The following XPNPEP1 variants were observed in gnomAD, a reference collection of about 807,000 sequenced individuals.
The protein encoded by XPNPEP1 is X-prolyl aminopeptidase 1.
Under a neutral mutation model 92.4 loss-of-function variants are expected in XPNPEP1, and 39 were observed. The observed-to-expected ratio is 0.42, with a 90% CI of 0.33 to 0.55. The LOEUF is 0.55. XPNPEP1 is among the 20% of genes least tolerant of loss of function. The probability of loss-of-function intolerance (pLI) is 0.08; values close to 1 mark genes in which losing one functional copy is unlikely to be tolerated. For synonymous variants in XPNPEP1, 307 were observed against 299.4 expected (o/e 1.03, Z -0.26); for missense variants, 654 against 856.1 (o/e 0.76, Z 2.95).
intron 3 of XPNPEP1, among the ~76,000 whole-genome samples, chr10:109,894,351 T>C (rs10399964): frequency 0.15 from 22,867 of 151,512 alleles, 2,145 homozygotes; most frequent in East Asian, 0.41. Flanking sequence ...GGGAGCATGG[T>C]GAAACCTCAT....
chr10:109,898,816 A>G (rs1849120737), intron 3 of XPNPEP1, among the ~76,000 whole-genome samples: 1 of 152,260 alleles, frequency 6.6e-6, no homozygotes, highest in Non-Finnish European at 1.5e-5. Context: ...CTGGGTTTTA[A>G]GAAGAGGGAT....
chr10:109,895,558 A>G (rs1249201739), intron 3 of XPNPEP1, among the ~76,000 whole-genome samples: 2 of 152,262 alleles, frequency 1.3e-5, no homozygotes, highest in Admixed American at 1.3e-4. Context: ...GGCTGGCCAC[A>G]GCCTCACCTC....
chr10:109,900,203 C>A (rs2133485590), intron 3 of XPNPEP1, among the ~76,000 whole-genome samples: 2 of 152,284 alleles, frequency 1.3e-5, no homozygotes, highest in Admixed American at 1.3e-4. Context: ...TTGGAAAGTA[C>A]ACAAAGGACA....
At chr10:109,920,784 G>T (rs942478421) in intron 1 of XPNPEP1, among the ~76,000 whole-genome samples, 1 of 151,976 alleles carries the variant, frequency 6.6e-6, no homozygotes, top group Non-Finnish European at 1.5e-5. Context: ...GGCCTCAAGT[G>T]ATCCTCCCAC....
chr10:109,920,026 G>A lies in XPNPEP1; in HGVS notation c.32+3376C>T, dbSNP rs146582945. 7.9e-3 allele frequency among the ~76,000 whole-genome samples: 1,198 copies of A among 150,794 alleles called. 15 individuals carry two copies. Among genetic ancestry groups the A allele is most frequent in the African/African-American group, 0.028 (1,144 of 40,994 alleles). ...CAGCCTGGCAACAGAGCAAGACTCC[G>A]TCTCATTTAAAAAAAAAAAAAGAAA... On this transcript the variant is annotated intron_variant, in intron 1 of 20. Transcript: ENST00000502935.
intron 1 of XPNPEP1, among the ~76,000 whole-genome samples, chr10:109,917,328 C>A (rs1850249053): frequency 6.6e-6 from 1 of 152,158 alleles, no homozygotes. Flanking sequence ...AATTTGACTT[C>A]TATATCCTTG....
In XPNPEP1 at chr10:109,871,028, A is replaced by C. The variant is rs1847438286; in HGVS notation, c.1523-124T>G. 29 of 1,124,908 alleles carry C rather than the reference A, an allele frequency of 2.6e-5. 1 individual carries two copies. Among genetic ancestry groups the C allele is most frequent in the Non-Finnish European group, 3.4e-5 (28 of 813,982 alleles). The allele number at this position is 1,124,908 out of a possible 1,614,324, so 69.7% of individuals were successfully genotyped here. ...TAAGTTACTGGAGGGTTCAGATTTCAGCACAGCACAAGGAAGAACTTTCTA... is the reference window on the plus strand; with the variant it reads ...TAAGTTACTGGAGGGTTCAGATTTCCGCACAGCACAAGGAAGAACTTTCTA... On this transcript the variant is annotated intron_variant, in intron 17 of 20. Coordinates refer to ENST00000502935, the MANE Select transcript of XPNPEP1 (RefSeq NM_020383.4).
chr10:109,877,627 G>A, intron 14 of XPNPEP1, 163 bp downstream of exon 14: 1 of 880,452 alleles, frequency 1.1e-6, no homozygotes, highest in East Asian at 2.6e-5. Context: ...TTGGGGATTG[G>A]GAGAAAATAA....
intron 14 of XPNPEP1, 79 bp from the exon 15 acceptor site, chr10:109,875,678 C>A: frequency 8.0e-7 from 1 of 1,253,692 alleles, no homozygotes; most frequent in South Asian, 1.3e-5. Context: ...CACAAGAGCT[C>A]TTTGTACTAT....
At chr10:109,923,021 G>A (rs1351370054) in intron 1 of XPNPEP1, among the ~76,000 whole-genome samples, 1 of 152,222 alleles carries the variant, frequency 6.6e-6, no homozygotes, top group Non-Finnish European at 1.5e-5. Flanking sequence ...ACAGAAGCGA[G>A]GGCAAAGGCT....
In XPNPEP1 at chr10:109,882,611, G is replaced by C. The variant is rs774157398; in HGVS notation, c.862C>G (p.Pro288Ala). The change falls in exon 10 of 21, where the codon CCC becomes GCC. Residue 288 changes from proline (P) to alanine (A), a missense_variant. Pro to Ala is a conservative substitution (Grantham distance 27). Transcript: ENST00000502935. ...AGAAGCAGGTGCTCCTTCACACTGG[G>C]GGCGTCTATGCGGTCACCATCAATG... The part of the protein sequence containing the change: ...LFIDGDRIDA[P>A]SVKEHLLLDL... 1 of 1,614,160 alleles carries C rather than the reference G, an allele frequency of 6.2e-7. No individual in the cohort carries two copies. The highest frequency in any genetic ancestry group is 2.2e-5 in the East Asian group (1 of 44,890).
At chr10:109,909,894 A>C (rs564128975) in intron 2 of XPNPEP1, among the ~76,000 whole-genome samples, 1 of 152,256 alleles carries the variant, frequency 6.6e-6, no homozygotes, top group Non-Finnish European at 1.5e-5. Context: ...CCCTGCCACT[A>C]TCTGCATCCC....
intron 3 of XPNPEP1, among the ~76,000 whole-genome samples, chr10:109,895,652 G>A (rs1589599281): frequency 6.6e-6 from 1 of 152,186 alleles, no homozygotes; most frequent in East Asian, 1.9e-4. Context: ...AGCTGGCAAC[G>A]CCCAGGGGCG....
chr10:109,910,544 CAAA>C (rs200098456), intron 2 of XPNPEP1, among the ~76,000 whole-genome samples: 8 of 100,414 alleles, frequency 8.0e-5, no homozygotes, highest in Non-Finnish European at 8.4e-5. Context: ...AACTCTGTCT[CAAA>C]AAAAAAAAAA....
At chr10:109,918,780 A>AAGGAAGGAG (rs1233048597) in intron 1 of XPNPEP1, among the ~76,000 whole-genome samples, 1 of 149,980 alleles carries the variant, frequency 6.7e-6, no homozygotes, top group Non-Finnish European at 1.5e-5. Flanking sequence ...GGAAGACAGG[A>AAGGAAGGAG]AGGAAGGAGA....
Position 109,882,564 on chromosome 10 carries a change from T to C in XPNPEP1, c.909A>G (p.Glu303=), listed in dbSNP as rs770727045. ...HLLLDLGLEA[E]YRIQVHPYKS... is the part of the protein sequence containing the mutation. ...TGTAGGGATGCACCTGGATCCTGTATTCGGCTTCCAGACCCAAGTCAAGAA... is the reference window on the plus strand; with the variant it reads ...TGTAGGGATGCACCTGGATCCTGTACTCGGCTTCCAGACCCAAGTCAAGAA... The change falls in exon 10 of 21, where the codon GAA becomes GAG. Residue 303 remains glutamate, a synonymous_variant. Transcript: ENST00000502935. 1.2e-6 allele frequency: 2 copies of C among 1,614,194 alleles called. No individual in the cohort carries two copies. The highest frequency in any genetic ancestry group is 1.7e-6 in the Non-Finnish European group (2 of 1,180,022).
chr10:109,886,458 A>G, intron 7 of XPNPEP1, 117 bp from the exon 8 acceptor site: 1 of 915,662 alleles, frequency 1.1e-6, no homozygotes, highest in Non-Finnish European at 1.7e-6. Flanking sequence ...GGAGCACGCT[A>G]CTTAAACAGG....
At chr10:109,888,398 T>C (rs1848516721) in intron 6 of XPNPEP1, 105 bp downstream of exon 6, 7 of 1,293,114 alleles carry the variant, frequency 5.4e-6, no homozygotes, top group Non-Finnish European at 7.4e-6. Context: ...AAATCAGTCA[T>C]GCTGAGCCCC....
At position 109,867,420 on chromosome 10, in the gene XPNPEP1, C is replaced by G. The variant is rs1464648467; in HGVS notation, c.1872+1194G>C. 6.6e-6 allele frequency among the ~76,000 whole-genome samples: 1 copy of G among 152,196 alleles called. No individual in the cohort carries two copies. The highest frequency in any genetic ancestry group is 1.9e-4 in the East Asian group (1 of 5,204). Reference sequence around the variant, plus strand: ...CGGTATCAGCAAGGCCCATGTGGGTCCTGTGAGTGGGAATGTTTAGCTGAA... The same window carrying G: ...CGGTATCAGCAAGGCCCATGTGGGTGCTGTGAGTGGGAATGTTTAGCTGAA... On this transcript the variant is annotated intron_variant, in intron 20 of 20. Coordinates refer to ENST00000502935, the MANE Select transcript of XPNPEP1 (RefSeq NM_020383.4). This position sits in a 1 kb window ranked among gnomAD's most constrained non-coding sequence, Gnocchi z 4.5.
Sources: gnomAD v4.1 joint callset for allele counts (sites outside exome capture counted in the v4.1 genomes callset) on GRCh38, gnomAD v4.1.1 for gene constraint, Gnocchi (gnomAD v3.1) non-coding constraint, MANE v1.5 for transcripts, NCBI Gene and HGNC (gene_info 2026-07-23, HGNC 2026-07-21) for gene names.